Variants in CDC25A observed in about 807,000 individuals in gnomAD.
CDC25A encodes M-phase inducer phosphatase 1.
CDC25A carries 17 observed loss-of-function variants against 64.6 expected under a neutral mutation model. That is an observed-to-expected ratio of 0.26 (90% CI 0.18 to 0.39). The LOEUF (loss-of-function observed/expected upper bound fraction) is 0.39. Among genes scored for constraint, CDC25A ranks in the 10% least tolerant of loss-of-function variants. CDC25A has a pLI of 1.00. For synonymous variants in CDC25A, 229 were observed against 238.6 expected (o/e 0.96, Z 0.37); for missense variants, 473 against 654.8 (o/e 0.72, Z 3.03).
intron 13 of CDC25A, among the ~76,000 whole-genome samples, chr3:48,159,682 C>G (rs1218029224): frequency 6.6e-6 from 1 of 152,180 alleles, no homozygotes. Context: ...CTTTCTCCAA[C>G]AATCCTAGCA....
intron 6 of CDC25A, 101 bp from the exon 7 acceptor site, chr3:48,178,089 C>T (rs2032532015): frequency 2.4e-6 from 3 of 1,245,514 alleles, no homozygotes; most frequent in Non-Finnish European, 3.3e-6. Context: ...CTATGTTATA[C>T]TTGTTATACA....
At chr3:48,160,299 T>C (rs1279705559) in intron 13 of CDC25A, among the ~76,000 whole-genome samples, 3 of 151,836 alleles carry the variant, frequency 2.0e-5, no homozygotes, top group Non-Finnish European at 4.4e-5. Flanking sequence ...TTAGTAGAGA[T>C]GGGGCTTCAC....
chr3:48,174,724 A>G (rs2032395442), intron 8 of CDC25A: 1 of 272,942 alleles, frequency 3.7e-6, no homozygotes, highest in African/African-American at 2.2e-5. Flanking sequence ...AACTGTCTAC[A>G]TAATCCTGCG....
In CDC25A at chr3:48,161,663, C is replaced by G. The variant is rs181940114; in HGVS notation, c.1323-2208G>C. ...GGCAGAGGCTACAGTGAGCTGTGCT[C>G]CTGCCACTGTACTCCAGCCTGGACA... On this transcript the variant is annotated intron_variant, in intron 13 of 14. Coordinates refer to ENST00000302506, the MANE Select transcript of CDC25A (RefSeq NM_001789.3). Among the ~76,000 whole-genome samples, 310 of 151,964 alleles carry G rather than the reference C, an allele frequency of 2.0e-3. No homozygotes were observed. In the Middle Eastern group the frequency reaches 0.037, roughly 18 times the overall value.
In CDC25A at chr3:48,187,978, C is replaced by T; in HGVS notation, c.-31G>A. On this transcript the variant is annotated 5_prime_UTR_variant, in exon 1 of 15. Transcript: ENST00000302506. ...CGCCCGGCCTCGCAGAGCTCCCGCTCCCTCTTCCTCTGCCTCCGCCGCGAC... is the reference window on the plus strand; with the variant it reads ...CGCCCGGCCTCGCAGAGCTCCCGCTTCCTCTTCCTCTGCCTCCGCCGCGAC... The T allele has an allele frequency of 7.2e-7, 1 of 1,391,000 alleles. No individual in the cohort carries two copies. Among genetic ancestry groups the T allele is most frequent in the Non-Finnish European group, 9.3e-7 (1 of 1,078,452 alleles). 86.2% of individuals were successfully genotyped at this position (1,391,000 alleles called of 1,614,324 possible). A position where few individuals can be genotyped will look rare whatever the true frequency, so the allele number is the denominator to read the frequency against.
intron 14 of CDC25A, 21 bp downstream of exon 14, chr3:48,159,323 T>C: frequency 6.5e-7 from 1 of 1,538,110 alleles, no homozygotes; most frequent in Non-Finnish European, 9.0e-7. Context: ...GGAGAGATGC[T>C]CTCCACAACC....
chr3:48,181,342 G>GT (rs1470754488), intron 5 of CDC25A, among the ~76,000 whole-genome samples: 1 of 151,130 alleles, frequency 6.6e-6, no homozygotes, highest in Non-Finnish European at 1.5e-5. Flanking sequence ...CAAGCATAAT[G>GT]TTTTTTAAAG....
chr3:48,185,654 G>A (rs1393554746), intron 2 of CDC25A, among the ~76,000 whole-genome samples: 1 of 152,120 alleles, frequency 6.6e-6, no homozygotes, highest in Admixed American at 6.6e-5. Context: ...ACAACTACTG[G>A]TCATGACATG....
intron 6 of CDC25A, among the ~76,000 whole-genome samples, chr3:48,179,812 T>C (rs542857902): frequency 1.3e-5 from 2 of 152,314 alleles, no homozygotes; most frequent in East Asian, 1.9e-4. Flanking sequence ...GTGCAAATGA[T>C]AGACAGAGTA....
At chr3:48,161,026 G>A (rs2031736208) in intron 13 of CDC25A, 1 of 151,952 alleles carries the variant, frequency 6.6e-6, no homozygotes, top group South Asian at 2.1e-4. Context: ...GGTGGCAGGT[G>A]CCTGTAATCC....
At chr3:48,164,284 A>T in intron 13 of CDC25A, 23 bp downstream of exon 13, 2 of 1,520,328 alleles carry the variant, frequency 1.3e-6, no homozygotes, top group Non-Finnish European at 1.8e-6. Flanking sequence ...GTGCCCCAGA[A>T]CCCAGTTCCG....
chr3:48,175,510 T>TA (rs2032423863), intron 8 of CDC25A, among the ~76,000 whole-genome samples: 3 of 152,318 alleles, frequency 2.0e-5, no homozygotes, highest in African/African-American at 7.2e-5. Flanking sequence ...TGTCACTTCT[T>TA]TGAAATCTTC....
chr3:48,184,899 G>A (rs775916470), intron 2 of CDC25A, among the ~76,000 whole-genome samples: 12 of 152,038 alleles, frequency 7.9e-5, no homozygotes, highest in Non-Finnish European at 1.6e-4. Flanking sequence ...TTTTCATAGC[G>A]TATTTACTGT....
chr3:48,159,015 C>T lies in CDC25A; in HGVS notation c.1505G>A (p.Arg502His), dbSNP rs762736214. ...EDFKEDLKKFRTKSRTWAGEK... is the reference protein window; with the variant it reads ...EDFKEDLKKFHTKSRTWAGEK... ...CCCTGCCCAGGTCCGGCTCTTGGTG[C>T]GGAACTTCTTCAGGTCTTCTTTAAA... Residue 502 changes from arginine to histidine, a missense_variant, in exon 15 of 15, where the codon CGC (arginine) becomes CAC (histidine). Physicochemically the swap from Arg to His is conservative, Grantham distance 29. This residue lies in a region of CDC25A where 97 missense variants were observed against 223.0 expected (regional missense o/e 0.43). Coordinates refer to ENST00000302506, the MANE Select transcript of CDC25A (RefSeq NM_001789.3). 5 of 1,614,074 alleles carry T rather than the reference C, an allele frequency of 3.1e-6. No homozygotes were observed. Among genetic ancestry groups the T allele is most frequent in the Non-Finnish European group, 4.2e-6 (5 of 1,179,996 alleles).
At chr3:48,168,360 CCACACACACACACACACACA>C (rs58104019) in intron 9 of CDC25A, among the ~76,000 whole-genome samples, 25 of 106,606 alleles carry the variant, frequency 2.3e-4, no homozygotes, top group South Asian at 7.3e-4. Context: ...AAGACCCTGT[CCACACACACACACACACACA>C]CACACACACA....
In CDC25A at chr3:48,177,707, T is replaced by G. The variant is rs1435940825; in HGVS notation, c.684+147A>C. On this transcript the variant is annotated intron_variant, in intron 7 of 14. Transcript: ENST00000302506. Reference sequence around the variant, plus strand: ...TTTAATAAGGCTGGTAGCCCTATTATTAAATGAATTATCACCAAATGAACA... The same window carrying G: ...TTTAATAAGGCTGGTAGCCCTATTAGTAAATGAATTATCACCAAATGAACA... 79 of 923,112 alleles carry G rather than the reference T, an allele frequency of 8.6e-5. 1 individual carries two copies. In the South Asian group the frequency reaches 1.2e-3, roughly 13 times the overall value. 57.2% of individuals were successfully genotyped at this position (923,112 alleles called of 1,614,324 possible). A position where few individuals can be genotyped will look rare whatever the true frequency, so the allele number is the denominator to read the frequency against.
chr3:48,175,207 GA>G (rs901950000), intron 8 of CDC25A, among the ~76,000 whole-genome samples: 1 of 152,154 alleles, frequency 6.6e-6, no homozygotes, highest in African/African-American at 2.4e-5. Flanking sequence ...TGAGGCACGA[GA>G]ATCACTTGAA....
intron 12 of CDC25A, 66 bp downstream of exon 12, chr3:48,165,570 C>T: frequency 9.0e-7 from 1 of 1,107,006 alleles, no homozygotes; most frequent in South Asian, 1.3e-5. Context: ...TGTCACTGTC[C>T]TCCCCACTTT....
intron 1 of CDC25A, 126 bp downstream of exon 1, chr3:48,187,652 T>C (rs1559966388): frequency 2.1e-6 from 2 of 945,732 alleles, no homozygotes; most frequent in Non-Finnish European, 3.0e-6. Context: ...CTAGCCCGGC[T>C]GTCCCCGAGC....
Sources: gnomAD v4.1 joint callset for allele counts (sites outside exome capture counted in the v4.1 genomes callset) on GRCh38, gnomAD v4.1.1 for gene constraint, gnomAD v4.1.1 regional missense constraint, MANE v1.5 for transcripts, NCBI Gene and HGNC (gene_info 2026-07-23, HGNC 2026-07-21) for gene names.